COL19A1: variants seen among roughly 807,000 people sequenced by gnomAD.
The protein encoded by COL19A1 is collagen type XIX alpha 1 chain.
In COL19A1, 159 loss-of-function variants were observed where a neutral mutation model predicts 190.2. That is an observed-to-expected ratio of 0.84 (90% CI 0.73 to 0.95). The LOEUF is 0.95. COL19A1 is among the 40% of genes least tolerant of loss of function. The pLI, the probability that COL19A1 is intolerant of heterozygous loss-of-function variation, is 0.00. For missense variants in COL19A1, 1,418 were observed against 1,431.9 expected, an observed-to-expected ratio of 0.99 and a Z score of 0.16; for synonymous variants, 509 against 458.9, an observed-to-expected ratio of 1.11 and a Z score of -1.39.
chr6:70,141,929 G>A lies in COL19A1; in HGVS notation c.1518+1G>A, dbSNP rs1427946336. The A allele has an allele frequency of 6.2e-6, 10 of 1,605,844 alleles. No individual in the cohort carries two copies. Among genetic ancestry groups the A allele is most frequent in the Middle Eastern group, 1.7e-4 (1 of 6,044 alleles). On this transcript the variant is annotated splice_donor_variant, in intron 21 of 50. Coordinates refer to ENST00000620364, the MANE Select transcript of COL19A1 (RefSeq NM_001858.6). LOFTEE classifies it high-confidence loss of function. ...GGTAATAGGATCACAGGGAGTAAAGGTAATTTCCTGGCATTCTTCAATTTC... is the reference window on the plus strand; with the variant it reads ...GGTAATAGGATCACAGGGAGTAAAGATAATTTCCTGGCATTCTTCAATTTC...
intron 15 of COL19A1, among the ~76,000 whole-genome samples, chr6:70,073,952 AAT>A (rs1357095109): frequency 1.5e-4 from 23 of 152,342 alleles, no homozygotes; most frequent in African/African-American, 5.5e-4. Context: ...TTATGTTATT[AAT>A]AAGTACTGGG....
chr6:70,168,987 C>G (rs915678094), intron 40 of COL19A1, among the ~76,000 whole-genome samples: 2 of 151,988 alleles, frequency 1.3e-5, no homozygotes, highest in Non-Finnish European at 2.9e-5. Context: ...TAGCCCTCTT[C>G]TGATAATTGA....
chr6:69,893,194 A>T (rs1411789307), intron 2 of COL19A1, among the ~76,000 whole-genome samples: 1 of 152,192 alleles, frequency 6.6e-6, no homozygotes, highest in Admixed American at 6.5e-5. Flanking sequence ...ATATTCGTGA[A>T]TGTTTCAGCT....
In COL19A1 at chr6:70,145,211, AAG is replaced by A. The variant is rs772898287; in HGVS notation, c.1770+206_1770+207del. Among the ~76,000 whole-genome samples the A allele has an allele frequency of 8.5e-5, 13 of 152,296 alleles. No individual in the cohort carries two copies. The East Asian group carries it at 9.7e-4, about 11-fold the overall frequency. ...AAAGAAAATAAATAGTTCTACAAAA[AAG>A]ACAGATGTATTCGTATGTTCATTGC... On this transcript the variant is annotated intron_variant, in intron 25 of 50. Transcript: ENST00000620364.
At chr6:70,149,632 C>G (rs1404540816) in intron 27 of COL19A1, 72 bp from the exon 28 acceptor site, 4 of 1,582,014 alleles carry the variant, frequency 2.5e-6, no homozygotes, top group Admixed American at 1.7e-5. Flanking sequence ...AATGCTTAGT[C>G]TTTTATGTCA....
chr6:69,913,850 C>T (rs1009131748), intron 4 of COL19A1, among the ~76,000 whole-genome samples: 5 of 152,092 alleles, frequency 3.3e-5, no homozygotes, highest in African/African-American at 1.2e-4. Context: ...TCAATTAGGT[C>T]TAGGACCTCC....
At chr6:70,153,863 T>A (rs975951392) in intron 31 of COL19A1, among the ~76,000 whole-genome samples, 1 of 152,068 alleles carries the variant, frequency 6.6e-6, no homozygotes, top group Non-Finnish European at 1.5e-5. Context: ...ATAATCCAGG[T>A]GGTAAAATTC....
chr6:70,034,151 G>T (rs185347744), intron 12 of COL19A1, 94 bp from the exon 13 acceptor site: 4 of 853,306 alleles, frequency 4.7e-6, no homozygotes, highest in Non-Finnish European at 8.0e-6. Context: ...ATGAGATTTG[G>T]AGGTTCAGTA....
At position 70,091,561 on chromosome 6, in the gene COL19A1, G is replaced by C. The variant is rs113509948; in HGVS notation, c.1225-10608G>C. ...CGAAAAGCCAGCAGGTGAACAAATAGAGTTTAAAAGTCATAATGGAAATTT... is the reference window on the plus strand; with the variant it reads ...CGAAAAGCCAGCAGGTGAACAAATACAGTTTAAAAGTCATAATGGAAATTT... On this transcript the variant is annotated intron_variant, in intron 15 of 50. Transcript: ENST00000620364. Among the ~76,000 whole-genome samples, 23 of 139,910 alleles carry C rather than the reference G, an allele frequency of 1.6e-4. No individual in the cohort carries two copies. In the Admixed American group the frequency reaches 1.7e-3, roughly 10 times the overall value. The allele number at this position is 139,910 out of a possible 152,430, so 91.8% of individuals were successfully genotyped here.
Position 69,898,968 on chromosome 6 carries a change from A to C in COL19A1, c.112A>C (p.Arg38=), listed in dbSNP as rs1322052484. The change falls in exon 3 of 51, where the codon AGA becomes CGA. Residue 38 remains arginine (R), a synonymous_variant. Transcript: ENST00000620364. Reference sequence around the variant, plus strand: ...AATAGAAGAGTCATGCCCTATCCTGAGAATAGAGGGACATCAGCTGACATA... The same window carrying C: ...AATAGAAGAGTCATGCCCTATCCTGCGAATAGAGGGACATCAGCTGACATA... ...DKTEESCPIL[R]IEGHQLTYDN... 1.9e-6 allele frequency: 3 copies of C among 1,611,254 alleles called. No homozygotes were observed. Among genetic ancestry groups the C allele is most frequent in the African/African-American group, 2.7e-5 (2 of 74,844 alleles).
At chr6:69,991,296 A>T (rs1776607364) in intron 11 of COL19A1, among the ~76,000 whole-genome samples, 1 of 152,004 alleles carries the variant, frequency 6.6e-6, no homozygotes, top group Admixed American at 6.6e-5. Context: ...GTCCACTTGG[A>T]TGGGCAGTTA....
rs11444591 is a variant in COL19A1 at position 70,203,864 on chromosome 6, AT to A, written c.3224-3025del. 8.5e-3 allele frequency among the ~76,000 whole-genome samples: 1,248 copies of A among 146,592 alleles called. 4 individuals are homozygous for A. Among genetic ancestry groups the A allele is most frequent in the Middle Eastern group, 0.014 (4 of 282 alleles). On this transcript the variant is annotated intron_variant, in intron 49 of 50. Coordinates refer to ENST00000620364, the MANE Select transcript of COL19A1 (RefSeq NM_001858.6). ...TTTTATCAAGCTGTCATCCTGTAGA[AT>A]TTTTTTTTTTTGAGCCGGATTTTCA...
intron 15 of COL19A1, among the ~76,000 whole-genome samples, chr6:70,079,713 A>G (rs564368187): frequency 6.6e-6 from 1 of 152,226 alleles, no homozygotes; most frequent in Non-Finnish European, 1.5e-5. Flanking sequence ...ACAGAGGCAG[A>G]CATGACACTG....
At chr6:70,023,902 C>T (rs1778586695) in intron 12 of COL19A1, among the ~76,000 whole-genome samples, 1 of 152,190 alleles carries the variant, frequency 6.6e-6, no homozygotes, top group Non-Finnish European at 1.5e-5. Flanking sequence ...CCTTAACAGG[C>T]CTTTCTCCTT....
chr6:70,211,694 T>C lies in COL19A1; in HGVS notation c.*4420T>C, dbSNP rs1416139309. On this transcript the variant is annotated 3_prime_UTR_variant, in exon 51 of 51. Coordinates refer to ENST00000620364, the MANE Select transcript of COL19A1 (RefSeq NM_001858.6). ...TCTCAGGCAATAGGACAGATGAGTG[T>C]CATCATTTTTATTGTGTGGCATACT... Among the ~76,000 whole-genome samples the C allele has an allele frequency of 6.6e-6, 1 of 151,750 alleles. No homozygotes were observed. Among genetic ancestry groups the C allele is most frequent in the East Asian group, 1.9e-4 (1 of 5,198 alleles).
intron 1 of COL19A1, among the ~76,000 whole-genome samples, chr6:69,878,589 T>C (rs191806635): frequency 6.6e-6 from 1 of 152,272 alleles, no homozygotes; most frequent in African/African-American, 2.4e-5. Context: ...TGTGCATTGT[T>C]AGTAAGAATG....
intron 11 of COL19A1, among the ~76,000 whole-genome samples, chr6:70,009,214 A>G (rs1777829522): frequency 6.6e-6 from 1 of 152,028 alleles, no homozygotes; most frequent in Non-Finnish European, 1.5e-5. Flanking sequence ...AAGAAAGCCC[A>G]TCTTTATTCT....
intron 2 of COL19A1, among the ~76,000 whole-genome samples, chr6:69,882,536 T>C (rs1768632639): frequency 6.6e-6 from 1 of 152,178 alleles, no homozygotes; most frequent in South Asian, 2.1e-4. Context: ...TCATCTACTT[T>C]CTTTAATCTG....
rs189440128 is a variant in COL19A1 at position 70,043,395 on chromosome 6, T to C, written c.1170+7456T>C. On this transcript the variant is annotated intron_variant, in intron 14 of 50. Coordinates refer to ENST00000620364, the MANE Select transcript of COL19A1 (RefSeq NM_001858.6). The stretch of plus-strand genomic sequence containing the variant: ...TTTTAGTAGAGACAGGGTTTCACCA[T>C]GTTAGCCAGGATGGTCTCGATCTCC... 2.0e-3 allele frequency among the ~76,000 whole-genome samples: 303 copies of C among 152,208 alleles called. 2 individuals carry two copies. The highest frequency in any genetic ancestry group is 0.01 in the Middle Eastern group (3 of 294).
Sources: gnomAD v4.1 joint callset for allele counts (sites outside exome capture counted in the v4.1 genomes callset) on GRCh38, gnomAD v4.1.1 for gene constraint, MANE v1.5 for transcripts, NCBI Gene and HGNC (gene_info 2026-07-23, HGNC 2026-07-21) for gene names.